Variants in DIP2C observed in about 807,000 individuals in gnomAD.
DIP2C encodes disco-interacting protein 2 homolog C.
DIP2C carries 33 observed loss-of-function variants against 192.4 expected under a neutral mutation model. The ratio of observed to expected loss-of-function variants is 0.17; its 90% CI spans 0.13 to 0.23. The LOEUF (loss-of-function observed/expected upper bound fraction) is 0.23. DIP2C is among the 10% of genes least tolerant of loss of function. DIP2C has a pLI of 1.00. For synonymous variants in DIP2C, 979 were observed against 864.1 expected (o/e 1.13, Z -2.33); for missense variants, 1,537 against 2,110.1 (o/e 0.73, Z 5.32).
intron 1 of DIP2C, among the ~76,000 whole-genome samples, chr10:528,293 T>C (rs1847173041): frequency 6.6e-6 from 1 of 151,122 alleles, no homozygotes; most frequent in East Asian, 2.0e-4. Context: ...GAACATAGAC[T>C]GCCTGCTGCC....
At chr10:426,892 T>TA (rs1966629998) in intron 4 of DIP2C, among the ~76,000 whole-genome samples, 1 of 151,996 alleles carries the variant, frequency 6.6e-6, no homozygotes, top group Admixed American at 6.6e-5. Flanking sequence ...ACTGCACAGA[T>TA]AAAAATTAAC....
intron 24 of DIP2C, among the ~76,000 whole-genome samples, chr10:350,867 T>TGAA (rs1958767130): frequency 6.6e-6 from 1 of 152,118 alleles, no homozygotes; most frequent in Middle Eastern, 3.2e-3. Context: ...AGGATGGTCT[T>TGAA]GAACTCCTGA....
At chr10:607,774 CCT>C (rs1282610933) in intron 1 of DIP2C, among the ~76,000 whole-genome samples, 1 of 151,998 alleles carries the variant, frequency 6.6e-6, no homozygotes, top group Non-Finnish European at 1.5e-5. Context: ...ACAATGGAAA[CCT>C]CTTCTTAGAC....
intron 16 of DIP2C, 65 bp downstream of exon 16, chr10:383,962 C>T (rs568319506): frequency 2.9e-4 from 359 of 1,230,496 alleles, no homozygotes; most frequent in South Asian, 7.8e-4. Context: ...GCCTGCCTCA[C>T]GAAAAAAAAA....
At chr10:430,085 T>C (rs763206864) in intron 4 of DIP2C, among the ~76,000 whole-genome samples, 2 of 152,216 alleles carry the variant, frequency 1.3e-5, no homozygotes, top group Non-Finnish European at 2.9e-5. Flanking sequence ...GGCATTCTAA[T>C]AGGTGTATAG....
chr10:651,702 C>CT lies in DIP2C; in HGVS notation c.85+37791dup, dbSNP rs1855916473. 3 of 348,496 alleles carry CT rather than the reference C, an allele frequency of 8.6e-6. No homozygotes were observed. The highest frequency in any genetic ancestry group is 1.7e-5 in the Non-Finnish European group (3 of 179,142). The allele number at this position is 348,496 out of a possible 1,614,324, so 21.6% of individuals were successfully genotyped here. A position where few individuals can be genotyped will look rare whatever the true frequency, so the allele number is the denominator to read the frequency against. ...CCGTATCCCAAAATCTGGACTTTTG[C>CT]TAAATGGTGCCCTTAGCACAGGAGT... is the stretch of plus-strand genomic sequence containing the variant. On this transcript the variant is annotated intron_variant, in intron 1 of 36. Transcript: ENST00000280886. The surrounding 1 kb of genome is among the most constrained non-coding windows in gnomAD (Gnocchi z 4.1).
At chr10:604,159 C>A (rs1852303687) in intron 1 of DIP2C, among the ~76,000 whole-genome samples, 1 of 151,952 alleles carries the variant, frequency 6.6e-6, no homozygotes, top group African/African-American at 2.4e-5. Context: ...AATCCAGGGT[C>A]CTCCCCCATC....
At chr10:292,062 G>A (rs985895001) in intron 32 of DIP2C, among the ~76,000 whole-genome samples, 4 of 152,216 alleles carry the variant, frequency 2.6e-5, no homozygotes, top group Non-Finnish European at 4.4e-5. Flanking sequence ...CGAGGCTGGC[G>A]TCCAGCAGAG....
At chr10:604,517 T>TA (rs952053209) in intron 1 of DIP2C, among the ~76,000 whole-genome samples, 1 of 152,242 alleles carries the variant, frequency 6.6e-6, no homozygotes, top group African/African-American at 2.4e-5. Context: ...AGTGTGCCTG[T>TA]AGTTCACAGC....
rs1486172663 is a variant in DIP2C, at chr10:348,724, C to T, written c.3148G>A (p.Ala1050Thr). 15 of 1,613,542 alleles carry T rather than the reference C, an allele frequency of 9.3e-6. No individual in the cohort carries two copies. The highest frequency in any genetic ancestry group is 2.2e-5 in the East Asian group (1 of 44,880). ...CGGACGGTTATTGGCACACAGCCTG[C>T]GTACAGGCAACCATAAAACGCTGCT... ...LIAAFYGCLYAGCVPITVRPP... is the reference protein window; with the variant it reads ...LIAAFYGCLYTGCVPITVRPP... The change falls in exon 26 of 37, where the codon GCA becomes ACA. Residue 1050 changes from alanine (A) to threonine (T), a missense_variant. Coordinates refer to ENST00000280886, the MANE Select transcript of DIP2C (RefSeq NM_014974.3).
At chr10:349,205 G>T in intron 25 of DIP2C, 126 bp downstream of exon 25, 4 of 1,345,994 alleles carry the variant, frequency 3.0e-6, no homozygotes, top group Middle Eastern at 2.6e-4. Context: ...CATCCAGCTG[G>T]ATACAGTGCA....
chr10:358,974 A>C (rs1369966722), intron 22 of DIP2C, among the ~76,000 whole-genome samples: 2 of 152,090 alleles, frequency 1.3e-5, no homozygotes, highest in African/African-American at 4.8e-5. Context: ...TCAAATTCTT[A>C]AATTCCCGAT....
At chr10:321,622 G>C (rs112340449) in intron 31 of DIP2C, among the ~76,000 whole-genome samples, 5 of 129,244 alleles carry the variant, frequency 3.9e-5, no homozygotes, top group East Asian at 2.5e-4. Context: ...ACAGTCAGTC[G>C]GGGGTGCGGG....
chr10:537,029 T>TCA (rs1037307241), intron 1 of DIP2C, among the ~76,000 whole-genome samples: 1 of 152,160 alleles, frequency 6.6e-6, no homozygotes, highest in Admixed American at 6.5e-5. Flanking sequence ...GTCCTGCATC[T>TCA]CACCCCAGGC....
chr10:509,703 G>C (rs1454017226), intron 1 of DIP2C, among the ~76,000 whole-genome samples: 1 of 152,196 alleles, frequency 6.6e-6, no homozygotes, highest in Non-Finnish European at 1.5e-5. Flanking sequence ...ATGAGACACA[G>C]GACACCTCAG....
intron 1 of DIP2C, among the ~76,000 whole-genome samples, chr10:530,442 C>A (rs1391450155): frequency 6.6e-6 from 1 of 151,994 alleles, no homozygotes; most frequent in African/African-American, 2.4e-5. Flanking sequence ...GGGCCAAGGT[C>A]GTGACACCCC....
chr10:333,375 C>T (rs1374709042), intron 29 of DIP2C, among the ~76,000 whole-genome samples: 1 of 152,218 alleles, frequency 6.6e-6, no homozygotes, highest in Non-Finnish European at 1.5e-5. Flanking sequence ...GCAGTCAGTC[C>T]CATTTCCAGC....
intron 1 of DIP2C, among the ~76,000 whole-genome samples, chr10:496,373 T>G (rs1844835846): frequency 1.7e-5 from 2 of 120,860 alleles, no homozygotes; most frequent in Non-Finnish European, 1.6e-5. Context: ...ACATTACTCT[T>G]AATACCCCAA....
At chr10:475,160 A>C (rs1205477741) in intron 2 of DIP2C, among the ~76,000 whole-genome samples, 1 of 152,028 alleles carries the variant, frequency 6.6e-6, no homozygotes, top group African/African-American at 2.4e-5. Context: ...CAGATAACAC[A>C]CATGGCTGGG....
Sources: allele counts gnomAD v4.1 joint callset (sites outside exome capture counted in the v4.1 genomes callset), GRCh38; gene constraint gnomAD v4.1.1; non-coding constraint Gnocchi (gnomAD v3.1); transcripts MANE v1.5; gene names NCBI Gene and HGNC (gene_info 2026-07-23, HGNC 2026-07-21).